The following PDE10A variants were observed in gnomAD, a reference collection of about 807,000 sequenced individuals.
PDE10A encodes the protein cAMP and cAMP-inhibited cGMP 3',5'-cyclic phosphodiesterase 10A.
PDE10A carries 39 observed loss-of-function variants against 97.7 expected under a neutral mutation model. The observed-to-expected ratio is 0.40, with a 90% CI of 0.31 to 0.52. The LOEUF is 0.52. Ranked by LOEUF, PDE10A falls within the 20% of genes least tolerant of loss-of-function variation. The pLI, the probability that PDE10A is intolerant of heterozygous loss-of-function variation, is 0.56. For missense variants in PDE10A, 731 were observed against 1,047.8 expected (o/e 0.70, Z 4.17); for synonymous variants, 371 against 376.8 (o/e 0.98, Z 0.18).
chr6:165,716,693 G>T (rs1792034442), intron 1 of PDE10A, among the ~76,000 whole-genome samples: 1 of 152,202 alleles, frequency 6.6e-6, no homozygotes, highest in South Asian at 2.1e-4. Context: ...CATGGGTGTG[G>T]ATCAAGAGAA....
At chr6:165,546,653 A>G (rs1194526777) in intron 1 of PDE10A, among the ~76,000 whole-genome samples, 1 of 152,108 alleles carries the variant, frequency 6.6e-6, no homozygotes, top group Non-Finnish European at 1.5e-5. Context: ...TTGTTGTCCC[A>G]AGAGGGTACA....
chr6:165,610,530 CAAAAAA>C lies in PDE10A; in HGVS notation c.865+51411_865+51416del, dbSNP rs201763144. On this transcript the variant is annotated intron_variant, in intron 1 of 21. Coordinates refer to ENST00000539869, the MANE Select transcript of PDE10A (RefSeq NM_001385079.1). Reference sequence around the variant, plus strand: ...TGGGTGACAGAGCGAGACTCCGTCTCAAAAAAAAAAAAAAAAAAAGAAAGAAATGGG... The same window carrying C: ...TGGGTGACAGAGCGAGACTCCGTCTCAAAAAAAAAAAAAGAAAGAAATGGG... Among the ~76,000 whole-genome samples the C allele has an allele frequency of 2.2e-3, 120 of 55,134 alleles. No homozygotes were observed. The East Asian group carries it at 0.056, about 26-fold the overall frequency. 36.2% of individuals were successfully genotyped at this position (55,134 alleles called of 152,430 possible).
chr6:165,621,058 A>G (rs139417276), intron 1 of PDE10A, among the ~76,000 whole-genome samples: 28 of 152,012 alleles, frequency 1.8e-4, no homozygotes, highest in African/African-American at 6.3e-4. Flanking sequence ...AGGGTAGAGA[A>G]AGGGATAGCT....
intron 18 of PDE10A, among the ~76,000 whole-genome samples, chr6:165,365,513 T>C (rs1170251116): frequency 1.3e-5 from 2 of 152,126 alleles, no homozygotes; most frequent in South Asian, 2.1e-4. Flanking sequence ...ACTGGCAACA[T>C]AGCAAGACTC....
At chr6:165,607,404 T>C (rs1344563850) in intron 1 of PDE10A, among the ~76,000 whole-genome samples, 1 of 152,200 alleles carries the variant, frequency 6.6e-6, no homozygotes, top group Admixed American at 6.5e-5. Context: ...ATTACCTTTT[T>C]ATGTTCAGAT....
chr6:165,364,303 G>A (rs1441361250), intron 18 of PDE10A, among the ~76,000 whole-genome samples: 1 of 152,138 alleles, frequency 6.6e-6, no homozygotes, highest in Non-Finnish European at 1.5e-5. Context: ...AGAAACCTCA[G>A]AGAGCTCCCT....
intron 1 of PDE10A, among the ~76,000 whole-genome samples, chr6:165,659,314 A>T (rs2128430156): frequency 6.6e-6 from 1 of 152,338 alleles, no homozygotes; most frequent in East Asian, 1.9e-4. Flanking sequence ...ACAATTAGAC[A>T]CATTTGTATG....
chr6:165,467,378 G>A (rs1032982983), intron 3 of PDE10A, among the ~76,000 whole-genome samples: 12 of 152,176 alleles, frequency 7.9e-5, no homozygotes, highest in African/African-American at 2.9e-4. Flanking sequence ...TATAACTGGA[G>A]GAGAAATCAA....
At chr6:165,452,450 G>C (rs1198561679) in intron 3 of PDE10A, among the ~76,000 whole-genome samples, 1 of 152,212 alleles carries the variant, frequency 6.6e-6, no homozygotes, top group Non-Finnish European at 1.5e-5. Context: ...CAGAGCCCTT[G>C]TGAATGGAAT....
upstream of PDE10A, chr6:165,987,976 C>CGT (rs149079607): frequency 0.047 from 17,375 of 366,026 alleles, 380 homozygotes; most frequent in African/African-American, 0.11. Flanking sequence ...TGTGTGCGTG[C>CGT]GTGTGTGTGT....
At chr6:165,831,110 C>T (rs374743335) in intron 1 of PDE10A, among the ~76,000 whole-genome samples, 4 of 151,954 alleles carry the variant, frequency 2.6e-5, no homozygotes, top group African/African-American at 9.7e-5. Flanking sequence ...CCAGGCCGGG[C>T]GCGGTGGCTC....
At chr6:165,469,524 A>G (rs1778863029) in intron 3 of PDE10A, among the ~76,000 whole-genome samples, 1 of 152,190 alleles carries the variant, frequency 6.6e-6, no homozygotes, top group South Asian at 2.1e-4. Flanking sequence ...GTTTTCACAA[A>G]ACATAAATTT....
chr6:165,866,181 A>G (rs1781038888), intron 1 of PDE10A, among the ~76,000 whole-genome samples: 1 of 152,204 alleles, frequency 6.6e-6, no homozygotes, highest in South Asian at 2.1e-4. Flanking sequence ...TGTTTCCACA[A>G]GAAACTCACT....
rs1781420581 is a variant in PDE10A, at chr6:165,332,918, A to G, written c.*107T>C. 2.7e-6 allele frequency: 2 copies of G among 727,774 alleles called. No homozygotes were observed. The highest frequency in any genetic ancestry group is 5.0e-6 in the Non-Finnish European group (2 of 399,126). The allele number at this position is 727,774 out of a possible 1,614,324, so 45.1% of individuals were successfully genotyped here. A position where few individuals can be genotyped will look rare whatever the true frequency, so the allele number is the denominator to read the frequency against. ...ACCTTCTTGAAGAGGTTTGCACCCC[A>G]GTTACCAGGTGCAGGTTCCCCCCAC... On this transcript the variant is annotated 3_prime_UTR_variant, in exon 22 of 22. Transcript: ENST00000539869.
At chr6:165,394,251 T>G (rs1204586005) in intron 15 of PDE10A, among the ~76,000 whole-genome samples, 2 of 152,142 alleles carry the variant, frequency 1.3e-5, no homozygotes, top group Non-Finnish European at 2.9e-5. Flanking sequence ...CAGTGTGTGA[T>G]GTTCCCCTCC....
At chr6:165,656,653 G>A (rs138219381) in intron 1 of PDE10A, among the ~76,000 whole-genome samples, 1 of 152,246 alleles carries the variant, frequency 6.6e-6, no homozygotes, top group East Asian at 1.9e-4. Context: ...CCTACCACCT[G>A]TCCAGGCTGT....
rs1008418677 is a variant in PDE10A at position 165,662,575 on chromosome 6, C to A, written c.237G>T (p.Gly79=). 7 of 146,678 alleles carry A rather than the reference C, an allele frequency of 4.8e-5. No individual in the cohort carries two copies. Among genetic ancestry groups the A allele is most frequent in the African/African-American group, 1.7e-4 (7 of 40,790 alleles). 9.1% of individuals were successfully genotyped at this position (146,678 alleles called of 1,614,324 possible). A position where few individuals can be genotyped will look rare whatever the true frequency, so the allele number is the denominator to read the frequency against. Residue 79 remains glycine (G), a synonymous_variant, in exon 1 of 22, where the codon GGG becomes GGT. Transcript: ENST00000539869. The part of the protein sequence containing the change: ...LSSAGRPSPA[G]GPGALSARGG... ...CGCGCGCAGAGAGGGCGCCGGGGCC[C>A]CCAGCGGGGCTGGGGCGGCCTGCGG...
chr6:165,935,471 C>T (rs1277595176), intron 1 of PDE10A, among the ~76,000 whole-genome samples: 1 of 152,184 alleles, frequency 6.6e-6, no homozygotes, highest in African/African-American at 2.4e-5. Flanking sequence ...AATTCAAAAA[C>T]ATTTTGAAAG....
chr6:165,507,868 G>A lies in PDE10A; in HGVS notation c.995-25525C>T, dbSNP rs142858793. On this transcript the variant is annotated intron_variant, in intron 2 of 21. Transcript: ENST00000539869. ...GAAATTCTGAGGCTACATACAAAATGTCATCTAAAATGAAACAATGTTTTC... is the reference window on the plus strand; with the variant it reads ...GAAATTCTGAGGCTACATACAAAATATCATCTAAAATGAAACAATGTTTTC... 9.2e-5 allele frequency among the ~76,000 whole-genome samples: 14 copies of A among 152,062 alleles called. 1 individual carries two copies. The East Asian group carries it at 2.7e-3, about 29-fold the overall frequency.
Sources: gnomAD v4.1 joint callset for allele counts (sites outside exome capture counted in the v4.1 genomes callset) on GRCh38, gnomAD v4.1.1 for gene constraint, MANE v1.5 for transcripts, NCBI Gene and HGNC (gene_info 2026-07-23, HGNC 2026-07-21) for gene names.